The following ADAM12 variants were observed in gnomAD, a reference collection of about 807,000 sequenced individuals.
ADAM12 encodes disintegrin and metalloproteinase domain-containing protein 12.
A neutral mutation model predicts 106.4 loss-of-function variants in ADAM12; 70 were observed. The ratio of observed to expected loss-of-function variants is 0.66; its 90% CI spans 0.54 to 0.80. The LOEUF (loss-of-function observed/expected upper bound fraction) is 0.80. Among genes scored for constraint, ADAM12 ranks in the 30% least tolerant of loss-of-function variants. The pLI, the probability that ADAM12 is intolerant of heterozygous loss-of-function variation, is 0.00. For synonymous variants in ADAM12, 420 were observed against 433.5 expected (o/e 0.97, Z 0.39); for missense variants, 1,010 against 1,171.9 (o/e 0.86, Z 2.02).
At chr10:126,201,480 A>G (rs1011366475) in intron 3 of ADAM12, among the ~76,000 whole-genome samples, 1 of 152,136 alleles carries the variant, frequency 6.6e-6, no homozygotes, top group Non-Finnish European at 1.5e-5. Context: ...AGAGGCGAGG[A>G]AGGGTTCCTC....
intron 3 of ADAM12, among the ~76,000 whole-genome samples, chr10:126,174,429 C>T (rs1255231629): frequency 6.6e-6 from 1 of 152,138 alleles, no homozygotes; most frequent in Non-Finnish European, 1.5e-5. Flanking sequence ...CAGCTGTGAG[C>T]TTTGCGGCAT....
intron 16 of ADAM12, among the ~76,000 whole-genome samples, chr10:126,046,975 T>C (rs927840545): frequency 2.0e-5 from 3 of 152,024 alleles, no homozygotes; most frequent in Non-Finnish European, 2.9e-5. Flanking sequence ...ACAAGTAGTA[T>C]CATCAATGAC....
At chr10:126,221,450 T>C (rs1227506551) in intron 3 of ADAM12, among the ~76,000 whole-genome samples, 1 of 151,304 alleles carries the variant, frequency 6.6e-6, no homozygotes, top group African/African-American at 2.4e-5. Context: ...AGAGGCAAAG[T>C]ACTGTTGACA....
intron 3 of ADAM12, among the ~76,000 whole-genome samples, chr10:126,158,851 C>T (rs1430023706): frequency 2.6e-5 from 3 of 115,180 alleles, no homozygotes; most frequent in South Asian, 3.0e-4. Flanking sequence ...GCACAGAGCA[C>T]GGTGGGGAGG....
chr10:126,191,362 C>T (rs1957497387), intron 3 of ADAM12, among the ~76,000 whole-genome samples: 1 of 152,028 alleles, frequency 6.6e-6, no homozygotes, highest in South Asian at 2.1e-4. Flanking sequence ...ATCCTTCCAG[C>T]TGCTGAGTGG....
chr10:126,109,674 T>G, intron 7 of ADAM12, 101 bp downstream of exon 7: 1 of 997,286 alleles, frequency 1.0e-6, no homozygotes. Flanking sequence ...TAAGAGCACA[T>G]AGGAAATGAG....
chr10:126,051,556 T>TCCAC (rs1954494344), intron 14 of ADAM12, among the ~76,000 whole-genome samples: 6 of 101,046 alleles, frequency 5.9e-5, no homozygotes, highest in Admixed American at 3.7e-4. Flanking sequence ...CATCCATCCA[T>TCCAC]CCATCCATCC....
chr10:126,345,543 G>C (rs1374224835), intron 1 of ADAM12, among the ~76,000 whole-genome samples: 1 of 152,196 alleles, frequency 6.6e-6, no homozygotes, highest in African/African-American at 2.4e-5. Flanking sequence ...CTCATAAAAT[G>C]AGTTAGGGAG....
At chr10:126,254,890 C>T (rs936003044) in intron 3 of ADAM12, among the ~76,000 whole-genome samples, 1 of 152,228 alleles carries the variant, frequency 6.6e-6, no homozygotes, top group Non-Finnish European at 1.5e-5. Context: ...TCTCTCTTGA[C>T]ATAAACCATA....
intron 3 of ADAM12, among the ~76,000 whole-genome samples, chr10:126,216,887 A>C (rs1187453061): frequency 6.6e-6 from 1 of 152,164 alleles, no homozygotes; most frequent in Non-Finnish European, 1.5e-5. Flanking sequence ...TCTCATCCAC[A>C]TGCACACCCT....
intron 11 of ADAM12, among the ~76,000 whole-genome samples, chr10:126,079,089 T>C (rs1955159644): frequency 6.6e-6 from 1 of 152,216 alleles, no homozygotes; most frequent in Non-Finnish European, 1.5e-5. Context: ...TCAGACCTAC[T>C]AAGTCAGAAA....
chr10:126,193,281 A>C (rs1223585246), intron 3 of ADAM12, among the ~76,000 whole-genome samples: 2 of 150,840 alleles, frequency 1.3e-5, no homozygotes, highest in Non-Finnish European at 3.0e-5. Context: ...AAAAAAAAAA[A>C]AAAAAAAAAA....
At chr10:126,099,350 C>A (rs1456669450) in intron 9 of ADAM12, among the ~76,000 whole-genome samples, 1 of 151,904 alleles carries the variant, frequency 6.6e-6, no homozygotes, top group Non-Finnish European at 1.5e-5. Context: ...GTATATAAAA[C>A]CTTCTCCCTC....
chr10:126,253,820 G>A (rs1414704544), intron 3 of ADAM12, among the ~76,000 whole-genome samples: 1 of 152,216 alleles, frequency 6.6e-6, no homozygotes, highest in Non-Finnish European at 1.5e-5. Flanking sequence ...GGCCTGAGCT[G>A]GCACAGGCTC....
chr10:126,355,679 T>C (rs547254263), intron 1 of ADAM12, among the ~76,000 whole-genome samples: 1 of 152,230 alleles, frequency 6.6e-6, no homozygotes, highest in East Asian at 1.9e-4. Context: ...CTAGCTTCTC[T>C]AGCATTCTGA....
rs185681272 is a variant in ADAM12, at chr10:126,152,579, C to T, written c.339+2648G>A. ...GCAGCTTTTTTTTTGTTTTGTTTTG[C>T]TTTTTTTTTAATTAAGATTTGTCTA... is the stretch of plus-strand genomic sequence containing the variant. On this transcript the variant is annotated intron_variant, in intron 4 of 22. Coordinates refer to ENST00000448723, the MANE Select transcript of ADAM12 (RefSeq NM_001288973.2). Among the ~76,000 whole-genome samples, 365 of 149,962 alleles carry T rather than the reference C, an allele frequency of 2.4e-3. 1 individual carries two copies. The highest frequency in any genetic ancestry group is 8.6e-3 in the African/African-American group (351 of 40,898).
intron 3 of ADAM12, among the ~76,000 whole-genome samples, chr10:126,225,436 C>T (rs774113049): frequency 1.3e-5 from 2 of 152,200 alleles, no homozygotes; most frequent in African/African-American, 2.4e-5. Flanking sequence ...GAAACCTGCA[C>T]GGGATCGCAC....
At chr10:126,311,680 C>G (rs1961105108) in intron 2 of ADAM12, among the ~76,000 whole-genome samples, 1 of 152,050 alleles carries the variant, frequency 6.6e-6, no homozygotes, top group Admixed American at 6.5e-5. Context: ...CATAAACATC[C>G]TGAAAAGAGG....
At chr10:126,109,920 CT>C in intron 6 of ADAM12, 80 bp from the exon 7 acceptor site, 2 of 1,366,594 alleles carry the variant, frequency 1.5e-6, no homozygotes, top group Non-Finnish European at 2.0e-6. Context: ...AATCTAAACA[CT>C]TTAGGTTGAG....
Sources: allele counts gnomAD v4.1 joint callset (sites outside exome capture counted in the v4.1 genomes callset), GRCh38; gene constraint gnomAD v4.1.1; transcripts MANE v1.5; gene names NCBI Gene and HGNC (gene_info 2026-07-23, HGNC 2026-07-21).